Variants in ATP10A observed in about 807,000 individuals in gnomAD.
ATP10A encodes the protein phospholipid-transporting ATPase VA.
A neutral mutation model predicts 147.8 loss-of-function variants in ATP10A; 111 were observed. That is an observed-to-expected ratio of 0.75 (90% CI 0.64 to 0.88). The LOEUF is 0.88. ATP10A is among the 40% of genes least tolerant of loss of function. The pLI, the probability that ATP10A is intolerant of heterozygous loss-of-function variation, is 0.00. For missense variants in ATP10A, 1,927 were observed against 1,959.0 expected (o/e 0.98, Z 0.31); for synonymous variants, 875 against 841.6 (o/e 1.04, Z -0.69).
chr15:25,862,053 C>G (rs1893783696), intron 1 of ATP10A: 1 of 333,634 alleles, frequency 3.0e-6, no homozygotes. Context: ...GAAAATTAGG[C>G]AGGCAGCTAC....
intron 1 of ATP10A, among the ~76,000 whole-genome samples, chr15:25,823,848 T>C (rs940151838): frequency 1.3e-5 from 2 of 152,250 alleles, no homozygotes; most frequent in African/African-American, 4.8e-5. Flanking sequence ...AATAGCTACT[T>C]ACTTTCCTAT....
chr15:25,726,087 C>T lies in ATP10A; in HGVS notation c.848-5G>A, dbSNP rs368930807. 1.2e-5 allele frequency: 19 copies of T among 1,612,846 alleles called. No individual in the cohort carries two copies. In the Admixed American group the frequency reaches 1.3e-4, roughly 11 times the overall value. On this transcript the variant is annotated splice_region_variant and splice_polypyrimidine_tract_variant and intron_variant, in intron 4 of 20. Coordinates refer to ENST00000555815, the MANE Select transcript of ATP10A (RefSeq NM_024490.4). The stretch of plus-strand genomic sequence containing the variant: ...GCAGAGCCTTGGTTTCATGTCCTGT[C>T]GGGGAGGACAAAGAGACATGGCAAG...
chr15:25,684,933 T>C (rs1421072129), intron 16 of ATP10A, among the ~76,000 whole-genome samples: 1 of 152,064 alleles, frequency 6.6e-6, no homozygotes, highest in Admixed American at 6.5e-5. Flanking sequence ...TGTCTTAATA[T>C]GCAGCCTTTC....
chr15:25,806,250 A>T (rs1891173416), intron 1 of ATP10A, among the ~76,000 whole-genome samples: 1 of 152,206 alleles, frequency 6.6e-6, no homozygotes, highest in South Asian at 2.1e-4. Flanking sequence ...GACGAGAATG[A>T]AGATCTGTAT....
chr15:25,749,558 C>G (rs906141632), intron 2 of ATP10A, among the ~76,000 whole-genome samples: 1 of 152,170 alleles, frequency 6.6e-6, no homozygotes, highest in Non-Finnish European at 1.5e-5. Flanking sequence ...GTCCTGGGCA[C>G]AACTCAAGAA....
chr15:25,803,019 A>G (rs553390467), intron 1 of ATP10A, among the ~76,000 whole-genome samples: 1 of 152,348 alleles, frequency 6.6e-6, no homozygotes, highest in South Asian at 2.1e-4. Context: ...TTTTGCCTAG[A>G]ACCTAGTTTC....
intron 2 of ATP10A, among the ~76,000 whole-genome samples, chr15:25,757,549 G>T (rs1888487772): frequency 6.6e-6 from 1 of 151,994 alleles, no homozygotes; most frequent in South Asian, 2.1e-4. Context: ...TCAAAATATA[G>T]ATTTAAGGAG....
At chr15:25,847,338 G>A (rs1893066940) in intron 1 of ATP10A, among the ~76,000 whole-genome samples, 2 of 151,972 alleles carry the variant, frequency 1.3e-5, no homozygotes, top group African/African-American at 2.4e-5. Flanking sequence ...TCCCTCTCTG[G>A]GCTCCCATTT....
intron 17 of ATP10A, among the ~76,000 whole-genome samples, chr15:25,681,548 C>T (rs762491736): frequency 6.6e-5 from 10 of 152,140 alleles, no homozygotes; most frequent in Non-Finnish European, 1.3e-4. Context: ...GTTGACACCT[C>T]GAATGACATT....
At chr15:25,761,316 A>G (rs1164000999) in intron 2 of ATP10A, among the ~76,000 whole-genome samples, 1 of 152,230 alleles carries the variant, frequency 6.6e-6, no homozygotes, top group African/African-American at 2.4e-5. Context: ...CTGCTAATAA[A>G]GACATACCCG....
chr15:25,822,521 G>A (rs1020373425), intron 1 of ATP10A, among the ~76,000 whole-genome samples: 1 of 152,000 alleles, frequency 6.6e-6, no homozygotes, highest in African/African-American at 2.4e-5. Context: ...CGCACAATAA[G>A]GCTACATGAG....
chr15:25,710,672 A>G (rs1901354136), intron 10 of ATP10A: 1 of 152,246 alleles, frequency 6.6e-6, no homozygotes, highest in Non-Finnish European at 1.5e-5. Context: ...ACTAACGTGC[A>G]GTCCCTGCTT....
chr15:25,717,233 TATTA>T (rs10587230), intron 8 of ATP10A, among the ~76,000 whole-genome samples: 30,945 of 152,062 alleles, frequency 0.2, 3,430 homozygotes, highest in Middle Eastern at 0.26. Context: ...TCCAAAACAT[TATTA>T]ATTGTCTGAA....
chr15:25,797,228 T>C (rs1333402272), intron 1 of ATP10A, among the ~76,000 whole-genome samples: 1 of 152,228 alleles, frequency 6.6e-6, no homozygotes, highest in African/African-American at 2.4e-5. Flanking sequence ...TTTGTCTCTG[T>C]GTGGCTGGCT....
At chr15:25,792,744 A>G (rs759573458) in intron 1 of ATP10A, among the ~76,000 whole-genome samples, 1 of 152,038 alleles carries the variant, frequency 6.6e-6, no homozygotes, top group Non-Finnish European at 1.5e-5. Flanking sequence ...TGGAATGTCA[A>G]TTTTGTTGCT....
At chr15:25,842,676 C>A (rs1892858504) in intron 1 of ATP10A, among the ~76,000 whole-genome samples, 1 of 151,984 alleles carries the variant, frequency 6.6e-6, no homozygotes, top group South Asian at 2.1e-4. Context: ...TAAACATTAT[C>A]TCTGATTGTA....
At chr15:25,731,034 G>A (rs1387405145) in intron 3 of ATP10A, among the ~76,000 whole-genome samples, 1 of 152,210 alleles carries the variant, frequency 6.6e-6, no homozygotes, top group Non-Finnish European at 1.5e-5. Flanking sequence ...ACACCAGGCA[G>A]GAGGGGGCAG....
chr15:25,723,890 C>T lies in ATP10A; in HGVS notation c.1110+1G>A. ...TATTGTACGATACTTAGTATTGTTA[C>T]CTGCAGAACTATTATCATTGTTAAA... On this transcript the variant is annotated splice_donor_variant, in intron 6 of 20. Coordinates refer to ENST00000555815, the MANE Select transcript of ATP10A (RefSeq NM_024490.4). LOFTEE classifies it high-confidence loss of function. The T allele has an allele frequency of 6.3e-7, 1 of 1,589,368 alleles. No individual in the cohort carries two copies. The highest frequency in any genetic ancestry group is 8.5e-7 in the Non-Finnish European group (1 of 1,170,864).
At chr15:25,792,642 G>T (rs1385755702) in intron 1 of ATP10A, among the ~76,000 whole-genome samples, 1 of 152,162 alleles carries the variant, frequency 6.6e-6, no homozygotes, top group Non-Finnish European at 1.5e-5. Context: ...TGGTGAGGGT[G>T]AGGCCCGCGT....
Sources: allele counts gnomAD v4.1 joint callset (sites outside exome capture counted in the v4.1 genomes callset), GRCh38; gene constraint gnomAD v4.1.1; transcripts MANE v1.5; gene names NCBI Gene and HGNC (gene_info 2026-07-23, HGNC 2026-07-21).